FARP1: variants seen among roughly 807,000 people sequenced by gnomAD.
FARP1 encodes FERM, ARH/RhoGEF and pleckstrin domain protein 1.
A neutral mutation model predicts 128.8 loss-of-function variants in FARP1; 52 were observed. The ratio of observed to expected loss-of-function variants is 0.40; its 90% CI spans 0.32 to 0.51. FARP1 has a LOEUF of 0.51. FARP1 is among the 20% of genes least tolerant of loss of function. The pLI, the probability that FARP1 is intolerant of heterozygous loss-of-function variation, is 0.45. For synonymous variants in FARP1, 580 were observed against 551.8 expected, an observed-to-expected ratio of 1.05 and a Z score of -0.72; for missense variants, 1,333 against 1,367.9, an observed-to-expected ratio of 0.97 and a Z score of 0.40.
At chr13:98,322,862 A>G (rs1190887634) in intron 2 of FARP1, among the ~76,000 whole-genome samples, 7 of 152,226 alleles carry the variant, frequency 4.6e-5, no homozygotes, top group Admixed American at 4.6e-4. Flanking sequence ...CATGTCAGCC[A>G]CACACAGATG....
chr13:98,220,683 A>C lies in FARP1; in HGVS notation c.171+7270A>C, dbSNP rs540182624. Among the ~76,000 whole-genome samples the C allele has an allele frequency of 5.3e-5, 8 of 152,316 alleles. 1 individual carries two copies. Among genetic ancestry groups the C allele is most frequent in the African/African-American group, 1.9e-4 (8 of 41,570 alleles). On this transcript the variant is annotated intron_variant, in intron 2 of 26. Coordinates refer to ENST00000319562, the MANE Select transcript of FARP1 (RefSeq NM_005766.4). ...ATTTTTTTCATAAATCATTTTAGCT[A>C]AATACTGTTAGCTTTCCTTTCTGGC...
chr13:98,294,878 G>C (rs1165768850), intron 2 of FARP1, among the ~76,000 whole-genome samples: 2 of 151,852 alleles, frequency 1.3e-5, no homozygotes. Flanking sequence ...TTAGCTGGGC[G>C]TGGTGGAGGG....
At chr13:98,166,899 G>A (rs1329309103) in intron 1 of FARP1, among the ~76,000 whole-genome samples, 1 of 151,776 alleles carries the variant, frequency 6.6e-6, no homozygotes, top group Admixed American at 6.6e-5. Flanking sequence ...TAATTTTTTT[G>A]TATTTTTAGT....
At chr13:98,429,241 C>T (rs1054759916) in intron 17 of FARP1, among the ~76,000 whole-genome samples, 4 of 152,148 alleles carry the variant, frequency 2.6e-5, no homozygotes, top group Non-Finnish European at 5.9e-5. Flanking sequence ...GGAGTAACCC[C>T]GAGGGATGGG....
At chr13:98,256,561 T>C (rs910529785) in intron 2 of FARP1, among the ~76,000 whole-genome samples, 64 of 151,988 alleles carry the variant, frequency 4.2e-4, no homozygotes, top group Middle Eastern at 3.4e-3. Context: ...CCACTTTTTT[T>C]TTTTTTCTTT....
At chr13:98,313,927 A>G (rs2772350) in intron 2 of FARP1, among the ~76,000 whole-genome samples, 74,250 of 152,142 alleles carry the variant, frequency 0.49, 20,453 homozygotes, top group East Asian at 0.71. Flanking sequence ...GCAAGTCATC[A>G]TCATCTAAAC....
rs7327275 is a variant in FARP1, at chr13:98,316,138, G to T, written c.172-27624G>T. On this transcript the variant is annotated intron_variant, in intron 2 of 26. Coordinates refer to ENST00000319562, the MANE Select transcript of FARP1 (RefSeq NM_005766.4). Reference sequence around the variant, plus strand: ...TTTGACTGCAGGCTGCTCTCATTCAGTGTGTGTCAACCCTTGTCTCAGGAA... The same window carrying T: ...TTTGACTGCAGGCTGCTCTCATTCATTGTGTGTCAACCCTTGTCTCAGGAA... Among the ~76,000 whole-genome samples, 971 of 152,276 alleles carry T rather than the reference G, an allele frequency of 6.4e-3. 8 individuals carry two copies. The highest frequency in any genetic ancestry group is 0.023 in the African/African-American group (936 of 41,552).
intron 1 of FARP1, chr13:98,177,086 C>T (rs1345594228): frequency 6.3e-7 from 1 of 1,598,760 alleles, no homozygotes; most frequent in South Asian, 1.1e-5. Flanking sequence ...TCGCCCTCGT[C>T]CCCGCTGCTG....
At chr13:98,232,145 G>GTTTTTTTTTTTTTTTTTTTTTTTTTT (rs59209045) in intron 2 of FARP1, among the ~76,000 whole-genome samples, 1 of 105,788 alleles carries the variant, frequency 9.5e-6, no homozygotes, top group African/African-American at 3.8e-5. Context: ...TGTTTGGTTG[G>GTTTTTTTTTTTTTTTTTTTTTTTTTT]TTTTTTTTTT....
At chr13:98,324,753 T>G (rs1201314947) in intron 2 of FARP1, among the ~76,000 whole-genome samples, 1 of 152,222 alleles carries the variant, frequency 6.6e-6, no homozygotes, top group Non-Finnish European at 1.5e-5. Context: ...CTTTCCCGTT[T>G]GTGCTAGTAA....
chr13:98,398,628 T>G (rs1437509690), intron 13 of FARP1: 2 of 152,178 alleles, frequency 1.3e-5, no homozygotes, highest in Non-Finnish European at 2.9e-5. Context: ...CAGGCCATAA[T>G]AGGTGGGAAG....
At chr13:98,174,854 T>G (rs912940712) in intron 1 of FARP1, among the ~76,000 whole-genome samples, 32 of 152,172 alleles carry the variant, frequency 2.1e-4, no homozygotes, top group African/African-American at 7.5e-4. Flanking sequence ...AGAGGTAAAG[T>G]AACATACCCA....
chr13:98,250,451 G>A (rs1308203171), intron 2 of FARP1, among the ~76,000 whole-genome samples: 1 of 152,102 alleles, frequency 6.6e-6, no homozygotes, highest in Non-Finnish European at 1.5e-5. Flanking sequence ...GGCCGGGCAC[G>A]GTGGCTCACA....
intron 2 of FARP1, among the ~76,000 whole-genome samples, chr13:98,267,327 T>G (rs1884166175): frequency 6.6e-6 from 1 of 152,228 alleles, no homozygotes; most frequent in Non-Finnish European, 1.5e-5. Context: ...TGTCTGGTTA[T>G]TGGCTGGATG....
chr13:98,394,490 G>A (rs1890437369), intron 12 of FARP1, among the ~76,000 whole-genome samples: 1 of 152,212 alleles, frequency 6.6e-6, no homozygotes, highest in African/African-American at 2.4e-5. Flanking sequence ...GGGCCGTCTT[G>A]TTCCGTAGAA....
At chr13:98,263,535 A>G (rs1315502722) in intron 2 of FARP1, among the ~76,000 whole-genome samples, 1 of 152,246 alleles carries the variant, frequency 6.6e-6, no homozygotes, top group Non-Finnish European at 1.5e-5. Context: ...TCACTATTGA[A>G]AATTTGTAAA....
At chr13:98,297,450 A>C (rs1885746811) in intron 2 of FARP1, among the ~76,000 whole-genome samples, 1 of 152,252 alleles carries the variant, frequency 6.6e-6, no homozygotes, top group Non-Finnish European at 1.5e-5. Context: ...GATTGGCTTT[A>C]AAACTTCCCA....
At chr13:98,402,875 T>A (rs1437784641) in intron 13 of FARP1, 1 of 152,246 alleles carries the variant, frequency 6.6e-6, no homozygotes, top group East Asian at 1.9e-4. Context: ...TACACCAAAT[T>A]AATTTGAAAT....
At chr13:98,280,073 C>G (rs1299157569) in intron 2 of FARP1, among the ~76,000 whole-genome samples, 1 of 152,148 alleles carries the variant, frequency 6.6e-6, no homozygotes, top group African/African-American at 2.4e-5. Flanking sequence ...CCATGCATGT[C>G]GCCTCCATTT....
Sources: allele counts gnomAD v4.1 joint callset (sites outside exome capture counted in the v4.1 genomes callset), GRCh38; gene constraint gnomAD v4.1.1; transcripts MANE v1.5; gene names NCBI Gene and HGNC (gene_info 2026-07-23, HGNC 2026-07-21).